Variants in MAGI2 observed in about 807,000 individuals in gnomAD.
MAGI2 encodes the protein membrane-associated guanylate kinase, WW and PDZ domain-containing protein 2.
In MAGI2, 35 loss-of-function variants were observed where a neutral mutation model predicts 133.3. That is an observed-to-expected ratio of 0.26 (90% CI 0.20 to 0.35). The LOEUF (loss-of-function observed/expected upper bound fraction) is 0.35. Among genes scored for constraint, MAGI2 ranks in the 10% least tolerant of loss-of-function variants. The probability of loss-of-function intolerance (pLI) is 1.00; values close to 1 mark genes in which losing one functional copy is unlikely to be tolerated. For missense variants in MAGI2, 1,636 were observed against 1,863.4 expected (o/e 0.88, Z 2.25); for synonymous variants, 729 against 710.6 (o/e 1.03, Z -0.41).
At chr7:78,040,765 C>A (rs954179824) in intron 21 of MAGI2, among the ~76,000 whole-genome samples, 1 of 152,200 alleles carries the variant, frequency 6.6e-6, no homozygotes, top group African/African-American at 2.4e-5. Flanking sequence ...ACATTTACAT[C>A]ATTCTCTATT....
chr7:78,920,528 T>C (rs1234076551), intron 2 of MAGI2, among the ~76,000 whole-genome samples: 2 of 152,178 alleles, frequency 1.3e-5, no homozygotes, highest in African/African-American at 4.8e-5. Context: ...GAGTTAAAAC[T>C]GTATTTGTTG....
In MAGI2 at chr7:78,630,929, T is replaced by G. The variant is rs10237256; in HGVS notation, c.419-3690A>C. ...ACTCTCAGCTGCCATCCAGGGATCA[T>G]CCTTTGCCATCATCCTGGGGAGTCA... On this transcript the variant is annotated intron_variant, in intron 2 of 21. Coordinates refer to ENST00000354212, the MANE Select transcript of MAGI2 (RefSeq NM_012301.4). Among the ~76,000 whole-genome samples, 537 of 152,248 alleles carry G rather than the reference T, an allele frequency of 3.5e-3. 3 individuals are homozygous for G. Among genetic ancestry groups the G allele is most frequent in the African/African-American group, 0.012 (511 of 41,556 alleles).
At chr7:78,080,889 A>T (rs965215377) in intron 20 of MAGI2, among the ~76,000 whole-genome samples, 5 of 152,162 alleles carry the variant, frequency 3.3e-5, no homozygotes, top group African/African-American at 1.2e-4. Flanking sequence ...CCCTGTCCTC[A>T]TATGTATCCC....
chr7:78,944,069 T>C (rs1394233540), intron 2 of MAGI2, among the ~76,000 whole-genome samples: 1 of 152,164 alleles, frequency 6.6e-6, no homozygotes, highest in Admixed American at 6.5e-5. Flanking sequence ...ACACAGGTGC[T>C]AAGTAAATTC....
intron 10 of MAGI2, among the ~76,000 whole-genome samples, chr7:78,213,253 G>T (rs772952380): frequency 5.3e-5 from 8 of 152,166 alleles, no homozygotes; most frequent in Non-Finnish European, 1.2e-4. Context: ...CTGGGAGTTT[G>T]TTAGGAATCT....
At chr7:78,153,527 G>A (rs1824094273) in intron 16 of MAGI2, among the ~76,000 whole-genome samples, 2 of 152,228 alleles carry the variant, frequency 1.3e-5, no homozygotes, top group Non-Finnish European at 2.9e-5. Context: ...ATATTGCCTT[G>A]AAAGGGGAGC....
At chr7:79,178,005 G>A (rs1422279287) in intron 1 of MAGI2, among the ~76,000 whole-genome samples, 1 of 152,016 alleles carries the variant, frequency 6.6e-6, no homozygotes, top group Non-Finnish European at 1.5e-5. Flanking sequence ...ATCAACTACT[G>A]AATGTAGTTT....
At chr7:78,613,684 A>C (rs1806726667) in intron 3 of MAGI2, among the ~76,000 whole-genome samples, 1 of 152,220 alleles carries the variant, frequency 6.6e-6, no homozygotes, top group South Asian at 2.1e-4. Context: ...TAAATATTAA[A>C]AGAAAGAAAA....
chr7:79,017,971 G>T (rs1273585126), intron 1 of MAGI2, among the ~76,000 whole-genome samples: 2 of 152,158 alleles, frequency 1.3e-5, no homozygotes, highest in African/African-American at 4.8e-5. Context: ...TGGCATGCCT[G>T]AGAGACAGGG....
At chr7:79,268,359 G>C (rs565138697) in intron 1 of MAGI2, among the ~76,000 whole-genome samples, 1 of 152,136 alleles carries the variant, frequency 6.6e-6, no homozygotes, top group South Asian at 2.1e-4. Context: ...CTAATAAACA[G>C]AACTTATATA....
chr7:78,064,763 A>G (rs979383213), intron 21 of MAGI2, among the ~76,000 whole-genome samples: 15 of 152,334 alleles, frequency 9.8e-5, no homozygotes, highest in African/African-American at 3.4e-4. Context: ...AGAATGTGAC[A>G]GTGAAATGTG....
chr7:78,896,985 A>G (rs1428058578), intron 2 of MAGI2, among the ~76,000 whole-genome samples: 2 of 152,214 alleles, frequency 1.3e-5, no homozygotes, highest in Non-Finnish European at 2.9e-5. Context: ...ATTTCTAAGA[A>G]GAAACCCAGA....
At chr7:78,648,491 T>C (rs1811146586) in intron 2 of MAGI2, among the ~76,000 whole-genome samples, 2 of 152,232 alleles carry the variant, frequency 1.3e-5, no homozygotes, top group African/African-American at 4.8e-5. Context: ...CACCATCTTA[T>C]CCAACACTTT....
intron 1 of MAGI2, among the ~76,000 whole-genome samples, chr7:79,238,733 T>C (rs1262151228): frequency 1.3e-5 from 2 of 152,190 alleles, no homozygotes; most frequent in Admixed American, 6.5e-5. Context: ...AACTTTGAAA[T>C]CTTACATGAG....
chr7:78,080,903 G>A (rs1428379168), intron 20 of MAGI2, among the ~76,000 whole-genome samples: 2 of 152,180 alleles, frequency 1.3e-5, no homozygotes, highest in East Asian at 1.9e-4. Flanking sequence ...GTATCCCATC[G>A]CTCACAAGCT....
At chr7:78,340,598 CT>C (rs1790267823) in intron 9 of MAGI2, among the ~76,000 whole-genome samples, 1 of 152,156 alleles carries the variant, frequency 6.6e-6, no homozygotes, top group African/African-American at 2.4e-5. Context: ...CATCAAAAAG[CT>C]TTTCCATCAC....
chr7:79,144,963 T>TA (rs1363492255), intron 1 of MAGI2, among the ~76,000 whole-genome samples: 1 of 152,204 alleles, frequency 6.6e-6, no homozygotes, highest in African/African-American at 2.4e-5. Context: ...GCACTCACAT[T>TA]AAAGAGATTG....
chr7:79,336,775 G>A (rs1840466282), intron 1 of MAGI2, among the ~76,000 whole-genome samples: 2 of 152,054 alleles, frequency 1.3e-5, no homozygotes, highest in Non-Finnish European at 2.9e-5. Context: ...TTTGGCAAAT[G>A]GCAGGATCTC....
rs951782059 is a variant in MAGI2 at position 78,405,132 on chromosome 7, A to C, written c.1046-35919T>G. On this transcript the variant is annotated intron_variant, in intron 6 of 21. Coordinates refer to ENST00000354212, the MANE Select transcript of MAGI2 (RefSeq NM_012301.4). ...GAATTTCAGGCAACAAATTTGCATCAGTTTTCTAGAGTGGAATATAGATTC... is the reference window on the plus strand; with the variant it reads ...GAATTTCAGGCAACAAATTTGCATCCGTTTTCTAGAGTGGAATATAGATTC... Among the ~76,000 whole-genome samples the C allele has an allele frequency of 2.0e-5, 3 of 152,118 alleles. No homozygotes were observed. The East Asian group carries it at 5.8e-4, about 29-fold the overall frequency.
Sources: allele counts gnomAD v4.1 joint callset (sites outside exome capture counted in the v4.1 genomes callset), GRCh38; gene constraint gnomAD v4.1.1; transcripts MANE v1.5; gene names NCBI Gene and HGNC (gene_info 2026-07-23, HGNC 2026-07-21).